FGFR1: variants seen among roughly 807,000 people sequenced by gnomAD.
FGFR1 encodes FGFR1/PLAG1 fusion.
In FGFR1, 18 loss-of-function variants were observed where a neutral mutation model predicts 93.7. The observed-to-expected ratio is 0.19, with a 90% CI of 0.13 to 0.28. The LOEUF (loss-of-function observed/expected upper bound fraction) is 0.28. FGFR1 is among the 10% of genes least tolerant of loss of function. The pLI is 1.00. For missense variants in FGFR1, 731 were observed against 1,080.4 expected, an observed-to-expected ratio of 0.68 and a Z score of 4.53; for synonymous variants, 448 against 429.3, an observed-to-expected ratio of 1.04 and a Z score of -0.54.
intron 2 of FGFR1, among the ~76,000 whole-genome samples, chr8:38,432,391 C>T (rs565783148): frequency 4.3e-4 from 66 of 151,850 alleles, no homozygotes; most frequent in Non-Finnish European, 7.5e-4. Flanking sequence ...ATCCCTTTAC[C>T]GGAACCATCT....
chr8:38,459,958 A>T (rs3758101), intron 1 of FGFR1, among the ~76,000 whole-genome samples: 2 of 151,948 alleles, frequency 1.3e-5, no homozygotes, highest in East Asian at 3.9e-4. Flanking sequence ...CTGAGGCGGG[A>T]GTATCACCTG....
Position 38,429,448 on chromosome 8 carries a change from C to T in FGFR1, c.358+234G>A, listed in dbSNP as rs984400116. On this transcript the variant is annotated intron_variant, in intron 3 of 17. Transcript: ENST00000447712. This position sits in a 1 kb window ranked among gnomAD's most constrained non-coding sequence, Gnocchi z 4.4. ...TCCCAAGAGCCCTGGCAATCACCTC[C>T]GAGGTGTGTCCTGGAAGCCCCAGAT... 1.4e-5 allele frequency: 10 copies of T among 700,752 alleles called. No individual in the cohort carries two copies. Among genetic ancestry groups the T allele is most frequent in the African/African-American group, 8.7e-5 (5 of 57,238 alleles). 43.4% of individuals were successfully genotyped at this position (700,752 alleles called of 1,614,324 possible). A position where few individuals can be genotyped will look rare whatever the true frequency, so the allele number is the denominator to read the frequency against.
chr8:38,426,316 C>A lies in FGFR1; in HGVS notation c.622-71G>T, dbSNP rs1820737686. On this transcript the variant is annotated intron_variant, in intron 5 of 17. Transcript: ENST00000447712. The surrounding 1 kb of genome is among the most constrained non-coding windows in gnomAD (Gnocchi z 4.1). ...TGCAGGCCCCATGACAATGTCGGCA[C>A]CCCGTGGCACCTGCCCTCCATATCA... 12 of 1,600,618 alleles carry A rather than the reference C, an allele frequency of 7.5e-6. No homozygotes were observed. In the Admixed American group the frequency reaches 1.5e-4, roughly 20 times the overall value.
At position 38,448,348 on chromosome 8, in the gene FGFR1, C is replaced by T. The variant is rs139208574; in HGVS notation, c.91+9008G>A. Reference sequence around the variant, plus strand: ...AGGCTGAAGTGAAGTGGTGCGATCTCGGCTCACTGCAACTTCCGCCTCGCG... The same window carrying T: ...AGGCTGAAGTGAAGTGGTGCGATCTTGGCTCACTGCAACTTCCGCCTCGCG... On this transcript the variant is annotated intron_variant, in intron 2 of 17. Coordinates refer to ENST00000447712, the MANE Select transcript of FGFR1 (RefSeq NM_023110.3). 7.3e-3 allele frequency among the ~76,000 whole-genome samples: 1,084 copies of T among 149,286 alleles called. 16 individuals are homozygous for T. The highest frequency in any genetic ancestry group is 0.025 in the African/African-American group (1,029 of 40,462).
chr8:38,414,707 G>A (rs2150556538), intron 14 of FGFR1, 72 bp downstream of exon 14: 1 of 1,613,354 alleles, frequency 6.2e-7, no homozygotes, highest in East Asian at 2.2e-5. Flanking sequence ...CTGGGGGGTG[G>A]GTTCTCAGCC....
In FGFR1 at chr8:38,413,683, G is replaced by T. The variant is rs2150506099; in HGVS notation, c.2414C>A (p.Pro805His). The T allele has an allele frequency of 1.9e-6, 3 of 1,613,576 alleles. No homozygotes were observed. Among genetic ancestry groups the T allele is most frequent in the Middle Eastern group, 1.7e-4 (1 of 6,036 alleles). Residue 805 changes from proline (P) to histidine (H), a missense_variant, in exon 18 of 18, where the codon CCC becomes CAC. Pro to His is a moderately conservative substitution (Grantham distance 77). This residue lies in a region of FGFR1 where 79 missense variants were observed against 97.2 expected (regional missense o/e 0.81). Coordinates refer to ENST00000447712, the MANE Select transcript of FGFR1 (RefSeq NM_023110.3). The surrounding 1 kb of genome is among the most constrained non-coding windows in gnomAD (Gnocchi z 4.2). ...VFSHEPLPEEPCLPRHPAQLA... is the reference protein window; with the variant it reads ...VFSHEPLPEEHCLPRHPAQLA... ...CTGGGCTGGGTGTCGGGGCAGGCAG[G>T]GCTCCTCGGGCAGCGGCTCATGAGA...
chr8:38,440,808 C>T (rs1026418406), intron 2 of FGFR1, among the ~76,000 whole-genome samples: 3 of 152,136 alleles, frequency 2.0e-5, no homozygotes, highest in African/African-American at 7.2e-5. Context: ...CCGTGCGTTG[C>T]CATGGGGACC....
intron 2 of FGFR1, chr8:38,434,416 T>C: frequency 3.0e-6 from 1 of 338,108 alleles, no homozygotes; most frequent in Non-Finnish European, 5.8e-6. Flanking sequence ...TCCACCTCAA[T>C]TCCTGGCTCA....
intron 2 of FGFR1, among the ~76,000 whole-genome samples, chr8:38,449,537 T>C (rs1238145231): frequency 6.6e-6 from 1 of 152,242 alleles, no homozygotes; most frequent in East Asian, 1.9e-4. Flanking sequence ...TTCTGACCTC[T>C]TTCTCTGCCC....
At chr8:38,456,762 G>T (rs745658477) in intron 2 of FGFR1, among the ~76,000 whole-genome samples, 5 of 151,998 alleles carry the variant, frequency 3.3e-5, no homozygotes, top group Non-Finnish European at 5.9e-5. Context: ...GTAGAGATGG[G>T]GTCTCGCTAT....
chr8:38,466,143 A>G (rs1419830554), intron 1 of FGFR1: 1 of 231,932 alleles, frequency 4.3e-6, no homozygotes, highest in African/African-American at 2.2e-5. Flanking sequence ...ACGGTAAAAC[A>G]CCCCACTTTA....
Position 38,419,729 on chromosome 8 carries a change from T to C in FGFR1, c.1088A>G (p.Glu363Gly). The C allele has an allele frequency of 6.2e-7, 1 of 1,614,092 alleles. No homozygotes were observed. Among genetic ancestry groups the C allele is most frequent in the Non-Finnish European group, 8.5e-7 (1 of 1,179,976 alleles). ...CGAGGTCATCACTGCCGGCCTCTCTTCCAGGGCTGAGTCAGTGCGAACAGG... is the reference window on the plus strand; with the variant it reads ...CGAGGTCATCACTGCCGGCCTCTCTCCCAGGGCTGAGTCAGTGCGAACAGG... ...SAWLTVLEAL[E>G]ERPAVMTSPL... The change falls in exon 9 of 18, where the codon GAA becomes GGA. Residue 363 changes from glutamate (E) to glycine (G), a missense_variant. Glu to Gly is a moderately conservative substitution (Grantham distance 98). Transcript: ENST00000447712.
chr8:38,450,524 C>T (rs894610409), intron 2 of FGFR1, among the ~76,000 whole-genome samples: 27 of 152,236 alleles, frequency 1.8e-4, no homozygotes, highest in Admixed American at 1.6e-3. Flanking sequence ...TCATCACCGC[C>T]CAGACACAAG....
chr8:38,467,276 G>T (rs948614118), intron 1 of FGFR1, among the ~76,000 whole-genome samples: 2 of 151,996 alleles, frequency 1.3e-5, no homozygotes, highest in Non-Finnish European at 2.9e-5. Flanking sequence ...ACCCCTTCTG[G>T]AAAGGGGAGT....
chr8:38,433,756 TTC>T (rs1824174376), intron 2 of FGFR1, among the ~76,000 whole-genome samples: 1 of 152,254 alleles, frequency 6.6e-6, no homozygotes, highest in Non-Finnish European at 1.5e-5. Flanking sequence ...TTTGTATTGT[TTC>T]TATTTTATTT....
intron 1 of FGFR1, among the ~76,000 whole-genome samples, chr8:38,464,517 G>A (rs771904842): frequency 6.6e-6 from 1 of 152,046 alleles, no homozygotes; most frequent in Admixed American, 6.6e-5. Flanking sequence ...AAATGGTGGC[G>A]AGGAGAGAAT....
chr8:38,439,482 C>G (rs1826616800), intron 2 of FGFR1, among the ~76,000 whole-genome samples: 2 of 152,102 alleles, frequency 1.3e-5, no homozygotes, highest in Admixed American at 1.3e-4. Context: ...AGAGCTGGTC[C>G]GCCCTCCCCC....
intron 3 of FGFR1, 71 bp from the exon 4 acceptor site, chr8:38,428,506 C>A: frequency 8.0e-7 from 1 of 1,242,726 alleles, no homozygotes; most frequent in South Asian, 1.3e-5. Context: ...TAGTGCAGTT[C>A]CAGATGAACA....
intron 2 of FGFR1, among the ~76,000 whole-genome samples, chr8:38,436,343 C>T (rs1825412246): frequency 6.6e-6 from 1 of 152,092 alleles, no homozygotes; most frequent in South Asian, 2.1e-4. Context: ...CCACTGCACT[C>T]CAGCCTGGGC....
Sources: allele counts gnomAD v4.1 joint callset (sites outside exome capture counted in the v4.1 genomes callset), GRCh38; gene constraint gnomAD v4.1.1; regional missense constraint gnomAD v4.1.1; non-coding constraint Gnocchi (gnomAD v3.1); transcripts MANE v1.5; gene names NCBI Gene and HGNC (gene_info 2026-07-23, HGNC 2026-07-21).